The following IL1R1 variants were observed in gnomAD, a reference collection of about 807,000 sequenced individuals.
IL1R1 encodes interleukin-1 receptor type 1.
In IL1R1, 22 loss-of-function variants were observed where a neutral mutation model predicts 50.2. The observed-to-expected ratio is 0.44, with a 90% CI of 0.31 to 0.63. The LOEUF (loss-of-function observed/expected upper bound fraction) is 0.63, where lower values mean the gene tolerates loss of function less well. Ranked by LOEUF, IL1R1 falls within the 20% of genes least tolerant of loss-of-function variation. The pLI is 0.07. For missense variants in IL1R1, 509 were observed against 676.2 expected (o/e 0.75, Z 2.74); for synonymous variants, 251 against 236.7 (o/e 1.06, Z -0.55).
intron 1 of IL1R1, among the ~76,000 whole-genome samples, chr2:102,081,859 A>C (rs940303608): frequency 3.3e-5 from 5 of 152,208 alleles, no homozygotes; most frequent in African/African-American, 1.2e-4. Flanking sequence ...GTCATCAGTC[A>C]TCATTATCAA....
intron 1 of IL1R1, among the ~76,000 whole-genome samples, chr2:102,097,671 T>C (rs1679964387): frequency 6.6e-6 from 1 of 152,018 alleles, no homozygotes; most frequent in South Asian, 2.1e-4. Context: ...AAACATAATG[T>C]ATCAAAATTG....
At chr2:102,119,086 G>A (rs572937029) in intron 1 of IL1R1, among the ~76,000 whole-genome samples, 1 of 148,848 alleles carries the variant, frequency 6.7e-6, no homozygotes, top group East Asian at 2.0e-4. Flanking sequence ...GTTTATTTTA[G>A]ATTACTCAAA....
At position 102,142,836 on chromosome 2, in the gene IL1R1, G is replaced by A. The variant is rs1462560179; in HGVS notation, c.-268G>A. 2 of 148,416 alleles carry A rather than the reference G, an allele frequency of 1.3e-5. No homozygotes were observed. Among genetic ancestry groups the A allele is most frequent in the African/African-American group, 2.4e-5 (1 of 40,958 alleles). The allele number at this position is 148,416 out of a possible 1,614,324, so 9.2% of individuals were successfully genotyped here. On this transcript the variant is annotated 5_prime_UTR_variant, in exon 1 of 12. Coordinates refer to ENST00000410023, the MANE Select transcript of IL1R1 (RefSeq NM_000877.4). ...CGCCGGCCGGGAGGAGCCGGAGAGCGGCCGGGCCGGGCGGTGGGGGCGCCG... is the reference window on the plus strand; with the variant it reads ...CGCCGGCCGGGAGGAGCCGGAGAGCAGCCGGGCCGGGCGGTGGGGGCGCCG...
intron 1 of IL1R1, among the ~76,000 whole-genome samples, chr2:102,094,490 C>T (rs1289509304): frequency 6.6e-6 from 1 of 152,154 alleles, no homozygotes; most frequent in Non-Finnish European, 1.5e-5. Flanking sequence ...TTCTTGCTAA[C>T]AGTACAAATT....
intron 1 of IL1R1, among the ~76,000 whole-genome samples, chr2:102,084,624 T>C (rs1679360797): frequency 6.6e-6 from 1 of 152,242 alleles, no homozygotes; most frequent in Non-Finnish European, 1.5e-5. Context: ...TATGATTTAT[T>C]AATACATTGT....
intron 1 of IL1R1, among the ~76,000 whole-genome samples, chr2:102,106,936 C>G (rs1680448399): frequency 6.6e-6 from 1 of 152,132 alleles, no homozygotes; most frequent in African/African-American, 2.4e-5. Context: ...AACTAACACC[C>G]TTGTAGCTAA....
intron 1 of IL1R1, among the ~76,000 whole-genome samples, chr2:102,095,124 G>A (rs556058528): frequency 4.0e-4 from 61 of 152,256 alleles, no homozygotes; most frequent in African/African-American, 1.2e-3. Context: ...CCCCCAACAC[G>A]GTGTCCTTTC....
chr2:102,099,520 G>T (rs974142676), intron 1 of IL1R1, among the ~76,000 whole-genome samples: 4 of 152,184 alleles, frequency 2.6e-5, no homozygotes, highest in Admixed American at 1.3e-4. Context: ...TGGCTACCAG[G>T]TGTACAGATA....
chr2:102,119,279 G>A (rs571686508), intron 1 of IL1R1, among the ~76,000 whole-genome samples: 1 of 152,292 alleles, frequency 6.6e-6, no homozygotes, highest in South Asian at 2.1e-4. Context: ...TGTCCATGGA[G>A]GGCATTTCTT....
intron 1 of IL1R1, among the ~76,000 whole-genome samples, chr2:102,135,954 A>G (rs556501439): frequency 6.6e-6 from 1 of 152,304 alleles, no homozygotes; most frequent in East Asian, 1.9e-4. Context: ...CTGGAGGAAT[A>G]AAAGGGAATC....
rs3917329 is a variant in IL1R1, at chr2:102,179,403, G to C, written c.*2644G>C. 6.6e-6 allele frequency: 1 copy of C among 152,212 alleles called. No homozygotes were observed. Among genetic ancestry groups the C allele is most frequent in the East Asian group, 1.9e-4 (1 of 5,324 alleles). 9.4% of individuals were successfully genotyped at this position (152,212 alleles called of 1,614,324 possible). On this transcript the variant is annotated 3_prime_UTR_variant, in exon 12 of 12. Transcript: ENST00000410023. ...GCAAAGTTATTCCCCATCTTCCAAG[G>C]GTTGAATTCTGGAGGAAGAAGACAC...
Position 102,168,768 on chromosome 2 carries a change from G to T in IL1R1, c.721+105G>T, listed in dbSNP as rs1049357423. 6 of 780,264 alleles carry T rather than the reference G, an allele frequency of 7.7e-6. No individual in the cohort carries two copies. The East Asian group carries it at 1.7e-4, about 22-fold the overall frequency. The allele number at this position is 780,264 out of a possible 1,614,324, so 48.3% of individuals were successfully genotyped here. On this transcript the variant is annotated intron_variant, in intron 7 of 11. Transcript: ENST00000410023. ...CTATATATAATCTAAGCCATTTACT[G>T]TATAAATCTATCAATGGAGGGAAAG...
chr2:102,107,713 G>A (rs1680499475), intron 1 of IL1R1, among the ~76,000 whole-genome samples: 1 of 152,172 alleles, frequency 6.6e-6, no homozygotes, highest in African/African-American at 2.4e-5. Flanking sequence ...TTTACCTTAA[G>A]GAAACCCTTT....
intron 1 of IL1R1, among the ~76,000 whole-genome samples, chr2:102,091,174 G>A (rs1484856630): frequency 2.6e-5 from 4 of 152,210 alleles, no homozygotes; most frequent in African/African-American, 9.7e-5. Flanking sequence ...GTCTCATAGA[G>A]ATGAAAAATC....
intron 2 of IL1R1, among the ~76,000 whole-genome samples, chr2:102,155,332 C>T (rs1271590911): frequency 6.6e-6 from 1 of 152,178 alleles, no homozygotes; most frequent in Non-Finnish European, 1.5e-5. Flanking sequence ...GGAACTGAGG[C>T]ACGGAGGCTG....
intron 1 of IL1R1, among the ~76,000 whole-genome samples, chr2:102,127,657 CTGTGTGTGTG>C (rs60587758): frequency 0.18 from 25,585 of 144,860 alleles, 2,275 homozygotes; most frequent in South Asian, 0.21. Context: ...GTGTGTGTGA[CTGTGTGTGTG>C]TGTGTGTGTG....
At chr2:102,166,667 TG>T (rs1464514360) in intron 6 of IL1R1, among the ~76,000 whole-genome samples, 1 of 152,130 alleles carries the variant, frequency 6.6e-6, no homozygotes, top group Non-Finnish European at 1.5e-5. Context: ...AGCATCGGTG[TG>T]GACACTAATG....
intron 1 of IL1R1, among the ~76,000 whole-genome samples, chr2:102,152,793 T>C (rs186147449): frequency 1.7e-3 from 261 of 152,260 alleles, no homozygotes; most frequent in Admixed American, 3.6e-3. Flanking sequence ...TTCCAATTGA[T>C]GGGCCAACAC....
intron 1 of IL1R1, among the ~76,000 whole-genome samples, chr2:102,072,227 T>C (rs1678758872): frequency 6.7e-6 from 1 of 148,244 alleles, no homozygotes; most frequent in Non-Finnish European, 1.5e-5. Flanking sequence ...GCCATTGCAC[T>C]CCAGCCTGGG....
Sources: allele counts gnomAD v4.1 joint callset (sites outside exome capture counted in the v4.1 genomes callset), GRCh38; gene constraint gnomAD v4.1.1; transcripts MANE v1.5; gene names NCBI Gene and HGNC (gene_info 2026-07-23, HGNC 2026-07-21).